DCPS: variants seen among roughly 807,000 people sequenced by gnomAD.
DCPS encodes the protein m7GpppX diphosphatase.
In DCPS, 27 loss-of-function variants were observed where a neutral mutation model predicts 34.7. The ratio of observed to expected loss-of-function variants is 0.78; its 90% CI spans 0.57 to 1.07. DCPS has a LOEUF of 1.07. Among genes scored for constraint, DCPS ranks in the 50% least tolerant of loss-of-function variants. The pLI, the probability that DCPS is intolerant of heterozygous loss-of-function variation, is 0.00. For synonymous variants in DCPS, 185 were observed against 185.7 expected (o/e 1.00, Z 0.03); for missense variants, 464 against 436.9 (o/e 1.06, Z -0.55).
In DCPS at chr11:126,345,832, A is replaced by G; in HGVS notation, c.*219A>G. The G allele has an allele frequency of 1.5e-6, 1 of 672,048 alleles. No individual in the cohort carries two copies. The highest frequency in any genetic ancestry group is 2.4e-6 in the Non-Finnish European group (1 of 410,922). The allele number at this position is 672,048 out of a possible 1,614,324, so 41.6% of individuals were successfully genotyped here. A position where few individuals can be genotyped will look rare whatever the true frequency, so the allele number is the denominator to read the frequency against. ...TAGAACCTGTGGGAAGGCCTTGAGA[A>G]TGGTGGAAAGTCTCCAGGTGGTGGT... On this transcript the variant is annotated 3_prime_UTR_variant, in exon 6 of 6. Coordinates refer to ENST00000263579, the MANE Select transcript of DCPS (RefSeq NM_014026.6). The surrounding 1 kb of genome is among the most constrained non-coding windows in gnomAD (Gnocchi z 7.4).
intron 2 of DCPS, among the ~76,000 whole-genome samples, chr11:126,309,087 C>T (rs1488448753): frequency 2.7e-5 from 4 of 150,094 alleles, no homozygotes; most frequent in Non-Finnish European, 4.4e-5. Context: ...TGCAATGGCA[C>T]GTTCTTGGCT....
At chr11:126,314,072 T>G (rs1391128858) in intron 2 of DCPS, among the ~76,000 whole-genome samples, 2 of 152,238 alleles carry the variant, frequency 1.3e-5, no homozygotes, top group Non-Finnish European at 2.9e-5. Context: ...TTCTGCAGGC[T>G]TCCCCTTCTT....
Position 126,329,612 on chromosome 11 carries a change from T to C in DCPS, c.377-1793T>C, listed in dbSNP as rs1207311199. Among the ~76,000 whole-genome samples, 2 of 152,260 alleles carry C rather than the reference T, an allele frequency of 1.3e-5. No homozygotes were observed. Among genetic ancestry groups the C allele is most frequent in the African/African-American group, 2.4e-5 (1 of 41,544 alleles). ...CCCACTGGGACTTGGAAGTAGAAAT[T>C]GGAAGTAGCCTGTGGTGTTGCAGGA... On this transcript the variant is annotated intron_variant, in intron 2 of 5. Coordinates refer to ENST00000263579, the MANE Select transcript of DCPS (RefSeq NM_014026.6). The surrounding 1 kb of genome is among the most constrained non-coding windows in gnomAD (Gnocchi z 5.0).
intron 2 of DCPS, among the ~76,000 whole-genome samples, chr11:126,330,549 C>T (rs116315463): frequency 0.028 from 4,270 of 151,428 alleles, 207 homozygotes; most frequent in African/African-American, 0.096. Context: ...ACCGTGCTCC[C>T]GGGTGGGGCC....
rs1242761699 is a variant in DCPS at position 126,323,871 on chromosome 11, C to T, written c.377-7534C>T. Among the ~76,000 whole-genome samples the T allele has an allele frequency of 6.6e-6, 1 of 152,118 alleles. No homozygotes were observed. The highest frequency in any genetic ancestry group is 1.5e-5 in the Non-Finnish European group (1 of 68,028). ...TTTGAGATGGTGTCTTGCTCTGTTG[C>T]CCAGACTAGAGTGCAGTGGCGCCAT... On this transcript the variant is annotated intron_variant, in intron 2 of 5. Coordinates refer to ENST00000263579, the MANE Select transcript of DCPS (RefSeq NM_014026.6). The surrounding 1 kb of genome is among the most constrained non-coding windows in gnomAD (Gnocchi z 4.4).
intron 2 of DCPS, among the ~76,000 whole-genome samples, chr11:126,330,719 ATTTTTTTTTT>A (rs1167717646): frequency 2.6e-4 from 5 of 18,878 alleles, no homozygotes; most frequent in African/African-American, 4.3e-4. Context: ...ATATATATAT[ATTTTTTTTTT>A]TTTTTTTTTT....
In DCPS at chr11:126,346,296, C is replaced by T. The variant is rs1035805173; in HGVS notation, c.*683C>T. Among the ~76,000 whole-genome samples, 12 of 152,120 alleles carry T rather than the reference C, an allele frequency of 7.9e-5. No individual in the cohort carries two copies. Among genetic ancestry groups the T allele is most frequent in the East Asian group, 3.9e-4 (2 of 5,186 alleles). On this transcript the variant is annotated 3_prime_UTR_variant, in exon 6 of 6. Transcript: ENST00000263579. The surrounding 1 kb of genome is among the most constrained non-coding windows in gnomAD (Gnocchi z 4.1). ...AGTCCCCAGCCTTGAGTTTTTATCT[C>T]GGCAGGAAGACAAAACAGACTCACA... is the stretch of plus-strand genomic sequence containing the variant.
Position 126,325,963 on chromosome 11 carries a change from C to A in DCPS, c.377-5442C>A, listed in dbSNP as rs147979956. ...TGAAACCCTGTCTCTACTAAAAATA[C>A]AAGTATTAGCCAGGCGTGGTGGCGT... On this transcript the variant is annotated intron_variant, in intron 2 of 5. Transcript: ENST00000263579. This position sits in a 1 kb window ranked among gnomAD's most constrained non-coding sequence, Gnocchi z 4.3. 6.6e-6 allele frequency among the ~76,000 whole-genome samples: 1 copy of A among 152,172 alleles called. No homozygotes were observed. Among genetic ancestry groups the A allele is most frequent in the African/African-American group, 2.4e-5 (1 of 41,502 alleles).
rs1248469521 is a variant in DCPS at position 126,313,694 on chromosome 11, C to A, written c.376+6950C>A. Among the ~76,000 whole-genome samples the A allele has an allele frequency of 2.6e-5, 4 of 152,126 alleles. No individual in the cohort carries two copies. The highest frequency in any genetic ancestry group is 4.4e-5 in the Non-Finnish European group (3 of 68,026). ...ATGAGGACAAAAAGGAAATGATTAA[C>A]CCCCAAATCAGGGAGGTGATTATCC... On this transcript the variant is annotated intron_variant, in intron 2 of 5. Coordinates refer to ENST00000263579, the MANE Select transcript of DCPS (RefSeq NM_014026.6). This position sits in a 1 kb window ranked among gnomAD's most constrained non-coding sequence, Gnocchi z 4.9.
rs903796582 is a variant in DCPS at position 126,342,223 on chromosome 11, T to C, written c.637-1084T>C. On this transcript the variant is annotated intron_variant, in intron 4 of 5. Coordinates refer to ENST00000263579, the MANE Select transcript of DCPS (RefSeq NM_014026.6). This position sits in a 1 kb window ranked among gnomAD's most constrained non-coding sequence, Gnocchi z 4.4. Reference sequence around the variant, plus strand: ...TTTTCTCAGCAAGAGGAAGAGTTCATTTGCTCTCTGGCACAAGATCTTGAC... The same window carrying C: ...TTTTCTCAGCAAGAGGAAGAGTTCACTTGCTCTCTGGCACAAGATCTTGAC... 6.6e-6 allele frequency: 1 copy of C among 152,238 alleles called. No individual in the cohort carries two copies. Among genetic ancestry groups the C allele is most frequent in the Non-Finnish European group, 1.5e-5 (1 of 68,058 alleles). The allele number at this position is 152,238 out of a possible 1,614,324, so 9.4% of individuals were successfully genotyped here.
At chr11:126,307,546 G>T (rs1951582078) in intron 2 of DCPS, among the ~76,000 whole-genome samples, 1 of 151,842 alleles carries the variant, frequency 6.6e-6, no homozygotes, top group African/African-American at 2.4e-5. Flanking sequence ...GAGCAGCTGG[G>T]ATTACAGGCG....
chr11:126,327,067 A>G lies in DCPS; in HGVS notation c.377-4338A>G, dbSNP rs559767724. Among the ~76,000 whole-genome samples the G allele has an allele frequency of 5.6e-3, 847 of 152,332 alleles. 6 individuals are homozygous for G. Among genetic ancestry groups the G allele is most frequent in the South Asian group, 9.5e-3 (46 of 4,828 alleles). ...AATTATTAATTTCAGGAGATTTCCC[A>G]TTCGTATGAGACTTCTGTGACATAC... On this transcript the variant is annotated intron_variant, in intron 2 of 5. Coordinates refer to ENST00000263579, the MANE Select transcript of DCPS (RefSeq NM_014026.6). The surrounding 1 kb of genome is among the most constrained non-coding windows in gnomAD (Gnocchi z 4.1).
chr11:126,305,262 C>T lies in DCPS; in HGVS notation c.201+981C>T, dbSNP rs529039462. 1.9e-3 allele frequency among the ~76,000 whole-genome samples: 290 copies of T among 151,350 alleles called. 1 individual carries two copies. The highest frequency in any genetic ancestry group is 3.5e-3 in the Middle Eastern group (1 of 286). ...CCCAATAGCTGGGATTACAGGCCCC[C>T]GCCACCATGCCCAGCTAATTTTTGT... On this transcript the variant is annotated intron_variant, in intron 1 of 5. Coordinates refer to ENST00000263579, the MANE Select transcript of DCPS (RefSeq NM_014026.6).
rs1269779646 is a variant in DCPS, at chr11:126,346,790, G to A, written c.*1177G>A. On this transcript the variant is annotated 3_prime_UTR_variant, in exon 6 of 6. Transcript: ENST00000263579. The surrounding 1 kb of genome is among the most constrained non-coding windows in gnomAD (Gnocchi z 4.1). The stretch of plus-strand genomic sequence containing the variant: ...ACCAGGAAGCCTCATTCAGAGATTA[G>A]CCCCTTTACTGCAGGTGGTAGCCCA... Among the ~76,000 whole-genome samples, 2 of 152,202 alleles carry A rather than the reference G, an allele frequency of 1.3e-5. No individual in the cohort carries two copies. The highest frequency in any genetic ancestry group is 2.4e-5 in the African/African-American group (1 of 41,458).
Position 126,348,077 on chromosome 11 carries a change from T to C in DCPS, c.*2464T>C, listed in dbSNP as rs1234196250. On this transcript the variant is annotated 3_prime_UTR_variant, in exon 6 of 6. Transcript: ENST00000263579. The surrounding 1 kb of genome is among the most constrained non-coding windows in gnomAD (Gnocchi z 5.3). ...CCCTGGAGGAAGGTGGGTAGGAATT[T>C]GACACCGGATAAATAAATGTTTGAG... Among the ~76,000 whole-genome samples the C allele has an allele frequency of 4.6e-5, 7 of 152,050 alleles. No homozygotes were observed. The highest frequency in any genetic ancestry group is 1.0e-4 in the Non-Finnish European group (7 of 68,016).
At chr11:126,343,085 A>C (rs79622208) in intron 4 of DCPS, among the ~76,000 whole-genome samples, 2 of 150,966 alleles carry the variant, frequency 1.3e-5, no homozygotes, top group South Asian at 2.1e-4. Context: ...AAAAAAAAAA[A>C]AAGGACTCTC....
At chr11:126,307,141 C>T (rs1359224430) in intron 2 of DCPS, among the ~76,000 whole-genome samples, 14 of 151,890 alleles carry the variant, frequency 9.2e-5, no homozygotes, top group African/African-American at 2.4e-4. Context: ...ACCAGACTCT[C>T]GGCCAACATG....
rs1951752822 is a variant in DCPS, at chr11:126,327,923, G to T, written c.377-3482G>T. On this transcript the variant is annotated intron_variant, in intron 2 of 5. Transcript: ENST00000263579. The surrounding 1 kb of genome is among the most constrained non-coding windows in gnomAD (Gnocchi z 4.1). Reference sequence around the variant, plus strand: ...CTGCTGCTGTGAGGGAGTGAGAAGTGAAGAGGAAGCAAGCTGGTGGAGGAG... The same window carrying T: ...CTGCTGCTGTGAGGGAGTGAGAAGTTAAGAGGAAGCAAGCTGGTGGAGGAG... Among the ~76,000 whole-genome samples, 1 of 152,218 alleles carries T rather than the reference G, an allele frequency of 6.6e-6. No homozygotes were observed. The highest frequency in any genetic ancestry group is 6.5e-5 in the Admixed American group (1 of 15,286).
In DCPS at chr11:126,333,969, G is replaced by A. The variant is rs1157510191; in HGVS notation, c.522+2419G>A. Among the ~76,000 whole-genome samples, 1 of 152,154 alleles carries A rather than the reference G, an allele frequency of 6.6e-6. No homozygotes were observed. Among genetic ancestry groups the A allele is most frequent in the African/African-American group, 2.4e-5 (1 of 41,420 alleles). On this transcript the variant is annotated intron_variant, in intron 3 of 5. Coordinates refer to ENST00000263579, the MANE Select transcript of DCPS (RefSeq NM_014026.6). This position sits in a 1 kb window ranked among gnomAD's most constrained non-coding sequence, Gnocchi z 5.7. Reference sequence around the variant, plus strand: ...GTGCCCTAAACGGTTTTAAGCATGTGGATGATATGGCCCGATTTGCAGAAT... The same window carrying A: ...GTGCCCTAAACGGTTTTAAGCATGTAGATGATATGGCCCGATTTGCAGAAT...
Sources: allele counts gnomAD v4.1 joint callset (sites outside exome capture counted in the v4.1 genomes callset), GRCh38; gene constraint gnomAD v4.1.1; non-coding constraint Gnocchi (gnomAD v3.1); transcripts MANE v1.5; gene names NCBI Gene and HGNC (gene_info 2026-07-23, HGNC 2026-07-21).